RBMS2: variants seen among roughly 807,000 people sequenced by gnomAD.
RBMS2 encodes the protein RNA binding motif single stranded interacting protein 2.
RBMS2 carries 38 observed loss-of-function variants against 58.4 expected under a neutral mutation model. That is an observed-to-expected ratio of 0.65 (90% confidence interval 0.50 to 0.85). The LOEUF (loss-of-function observed/expected upper bound fraction) is 0.85, where lower values mean the gene tolerates loss of function less well. Among genes scored for constraint, RBMS2 ranks in the 40% least tolerant of loss-of-function variants. The pLI is 0.00. For missense variants in RBMS2, 367 were observed against 503.7 expected (o/e 0.73, Z 2.60); for synonymous variants, 151 against 180.7 (o/e 0.84, Z 1.32).
At chr12:56,522,167 T>G (rs1033426814) in intron 1 of RBMS2, 78 bp downstream of exon 1, 99 of 1,222,718 alleles carry the variant, frequency 8.1e-5, no homozygotes, top group Non-Finnish European at 8.8e-5. Flanking sequence ...TTTACATTCT[T>G]TTTAAAGAGG....
chr12:56,589,049 G>T, intron 13 of RBMS2, 31 bp downstream of exon 13: 1 of 1,613,878 alleles, frequency 6.2e-7, no homozygotes, highest in Non-Finnish European at 8.5e-7. Flanking sequence ...GGCAGGGAGG[G>T]CTGCACTGGC....
intron 1 of RBMS2, among the ~76,000 whole-genome samples, chr12:56,522,413 A>G (rs1268866038): frequency 6.6e-6 from 1 of 152,118 alleles, no homozygotes; most frequent in Non-Finnish European, 1.5e-5. Context: ...ATAATATGTC[A>G]TTTCAGACCC....
At chr12:56,529,556 CCAACAACAACAA>C (rs1035362718) in intron 1 of RBMS2, among the ~76,000 whole-genome samples, 1 of 151,354 alleles carries the variant, frequency 6.6e-6, no homozygotes, top group Non-Finnish European at 1.5e-5. Flanking sequence ...AGACTCTGTC[CCAACAACAACAA>C]CAACAACAAT....
Position 56,578,741 on chromosome 12 carries a change from G to C in RBMS2, c.543-2443G>C, listed in dbSNP as rs982147048. 3.3e-5 allele frequency among the ~76,000 whole-genome samples: 5 copies of C among 152,022 alleles called. No homozygotes were observed. In the East Asian group the frequency reaches 9.7e-4, roughly 29 times the overall value. On this transcript the variant is annotated intron_variant, in intron 5 of 13. Transcript: ENST00000262031. ...GCACTTTGGGAGGCCGAAGCAGGCAGATCACTTGAGGCCAGAAGTTTGAGA... is the reference window on the plus strand; with the variant it reads ...GCACTTTGGGAGGCCGAAGCAGGCACATCACTTGAGGCCAGAAGTTTGAGA...
At chr12:56,586,189 G>A (rs1461954749) in intron 9 of RBMS2, among the ~76,000 whole-genome samples, 3 of 152,032 alleles carry the variant, frequency 2.0e-5, no homozygotes, top group Admixed American at 6.6e-5. Flanking sequence ...AAAATTAGCC[G>A]GGCATGGTGG....
At chr12:56,565,282 A>G (rs1366496021) in intron 2 of RBMS2, among the ~76,000 whole-genome samples, 1 of 152,166 alleles carries the variant, frequency 6.6e-6, no homozygotes, top group Admixed American at 6.5e-5. Flanking sequence ...GGTTTGTTAC[A>G]TAGGTAAACT....
chr12:56,575,279 CA>C (rs11326760), intron 5 of RBMS2, among the ~76,000 whole-genome samples: 33,394 of 151,554 alleles, frequency 0.22, 3,936 homozygotes, highest in African/African-American at 0.29. Context: ...ACAAAACAAA[CA>C]AAAAAAATTA....
intron 4 of RBMS2, among the ~76,000 whole-genome samples, chr12:56,571,203 G>A (rs117266892): frequency 1.9e-3 from 293 of 152,300 alleles, no homozygotes; most frequent in Middle Eastern, 3.4e-3. Context: ...TCAGGGCTCC[G>A]TGGTGACACA....
At chr12:56,547,612 T>C (rs1444376622) in intron 1 of RBMS2, among the ~76,000 whole-genome samples, 1 of 151,930 alleles carries the variant, frequency 6.6e-6, no homozygotes, top group Non-Finnish European at 1.5e-5. Context: ...CATATTCTTA[T>C]ACCATTAGCA....
Position 56,582,142 on chromosome 12 carries a change from C to G in RBMS2, c.863C>G (p.Ser288Cys), listed in dbSNP as rs768746099. 2 of 1,605,114 alleles carry G rather than the reference C, an allele frequency of 1.2e-6. No individual in the cohort carries two copies. The highest frequency in any genetic ancestry group is 1.7e-6 in the Non-Finnish European group (2 of 1,172,236). ...ALSPYLSSPV[S>C]SYQRVTQTSP... ...TCCCCATACCTTTCCTCTCCTGTGTCTTCGTATCAGGTATGTTCATGCCTG... is the reference window on the plus strand; with the variant it reads ...TCCCCATACCTTTCCTCTCCTGTGTGTTCGTATCAGGTATGTTCATGCCTG... The change falls in exon 9 of 14, where the codon TCT (serine) becomes TGT (cysteine). Residue 288 changes from serine to cysteine, a missense_variant. Around this residue, in one of 3 missense-constraint regions of RBMS2, gnomAD observed 220 missense variants for 261.1 expected, o/e 0.84. Transcript: ENST00000262031.
chr12:56,543,426 T>C (rs541784123), intron 1 of RBMS2, among the ~76,000 whole-genome samples: 1 of 151,256 alleles, frequency 6.6e-6, no homozygotes, highest in Non-Finnish European at 1.5e-5. Flanking sequence ...CAGAGATTGC[T>C]GTGAGCTGGG....
At chr12:56,563,673 C>T (rs932287545) in intron 2 of RBMS2, among the ~76,000 whole-genome samples, 5 of 152,066 alleles carry the variant, frequency 3.3e-5, no homozygotes, top group African/African-American at 1.2e-4. Flanking sequence ...CGTGGTGGCT[C>T]ACACCTGTAA....
intron 1 of RBMS2, among the ~76,000 whole-genome samples, chr12:56,548,315 C>T (rs927035422): frequency 1.3e-5 from 2 of 152,064 alleles, no homozygotes; most frequent in East Asian, 1.9e-4. Context: ...GGCATGGTGG[C>T]GCATGCGTGT....
At chr12:56,533,754 T>C (rs1006156335) in intron 1 of RBMS2, among the ~76,000 whole-genome samples, 3 of 152,056 alleles carry the variant, frequency 2.0e-5, no homozygotes, top group African/African-American at 7.2e-5. Flanking sequence ...TAGTTTTCTG[T>C]GGAAGAAAGT....
intron 2 of RBMS2, among the ~76,000 whole-genome samples, chr12:56,563,808 T>A (rs60936133): frequency 6.6e-6 from 1 of 151,908 alleles, no homozygotes; most frequent in East Asian, 1.9e-4. Context: ...TTAAAAAAAA[T>A]TTTAAAACTG....
Position 56,562,476 on chromosome 12 carries a change from C to T in RBMS2, c.126C>T (p.Asn42=). The change falls in exon 2 of 14, where the codon AAC becomes AAT. Residue 42 remains asparagine (N), a synonymous_variant. Transcript: ENST00000262031. Reference sequence around the variant, plus strand: ...CTAGCCCAAGCAACAGTACACCTAACAGCAGTAGTGGAAGCAATGGAAATG... The same window carrying T: ...CTAGCCCAAGCAACAGTACACCTAATAGCAGTAGTGGAAGCAATGGAAATG... ...APPSPSNSTP[N]SSSGSNGNDQ... 1 of 1,606,958 alleles carries T rather than the reference C, an allele frequency of 6.2e-7. No homozygotes were observed. Among genetic ancestry groups the T allele is most frequent in the South Asian group, 1.1e-5 (1 of 90,932 alleles).
chr12:56,589,094 G>T (rs532089373), intron 13 of RBMS2, 46 bp from the exon 14 acceptor site: 50 of 1,606,664 alleles, frequency 3.1e-5, no homozygotes, highest in African/African-American at 2.8e-4. Flanking sequence ...AGTCAGACAG[G>T]TTCTCATGTT....
At chr12:56,547,886 A>G (rs1277432277) in intron 1 of RBMS2, among the ~76,000 whole-genome samples, 1 of 151,526 alleles carries the variant, frequency 6.6e-6, no homozygotes, top group Non-Finnish European at 1.5e-5. Context: ...TCCTGACCTC[A>G]GGTGATCCAC....
At chr12:56,581,935 C>T (rs1884012369) in intron 8 of RBMS2, 56 bp downstream of exon 8, 1 of 1,591,700 alleles carries the variant, frequency 6.3e-7, no homozygotes, top group African/African-American at 1.3e-5. Context: ...TGTCCAGACA[C>T]TCAAATGATT....
Sources: allele counts gnomAD v4.1 joint callset (sites outside exome capture counted in the v4.1 genomes callset), GRCh38; gene constraint gnomAD v4.1.1; regional missense constraint gnomAD v4.1.1; transcripts MANE v1.5; gene names NCBI Gene and HGNC (gene_info 2026-07-23, HGNC 2026-07-21).